The following PHF20L1 variants were observed in gnomAD, a reference collection of about 807,000 sequenced individuals.
The protein encoded by PHF20L1 is PHD finger protein 20-like protein 1.
In PHF20L1, 44 loss-of-function variants were observed where a neutral mutation model predicts 125.5. That is an observed-to-expected ratio of 0.35 (90% CI 0.28 to 0.45). The LOEUF (loss-of-function observed/expected upper bound fraction) is 0.45, where lower values mean the gene tolerates loss of function less well. Among genes scored for constraint, PHF20L1 ranks in the 20% least tolerant of loss-of-function variants. PHF20L1 has a pLI of 1.00. For synonymous variants in PHF20L1, 380 were observed against 403.1 expected (o/e 0.94, Z 0.69); for missense variants, 1,012 against 1,217.2 (o/e 0.83, Z 2.51).
rs750306290 is a variant in PHF20L1 at position 132,842,781 on chromosome 8, A to G, written c.2654A>G (p.Asp885Gly). The change falls in exon 19 of 21, where the codon GAT (aspartate) becomes GGT (glycine). Residue 885 changes from aspartate (D) to glycine (G), a missense_variant. Asp to Gly is a moderately conservative substitution (Grantham distance 94). This residue lies in a region of PHF20L1 where 277 missense variants were observed against 283.6 expected (regional missense o/e 0.98). Transcript: ENST00000395386. ...GCAGACCCTGGGAGCTCAGATGATGATGATGTTAGTAGTTTGGAAGAAGAA... is the reference window on the plus strand; with the variant it reads ...GCAGACCCTGGGAGCTCAGATGATGGTGATGTTAGTAGTTTGGAAGAAGAA... ...SLADPGSSDD[D>G]DVSSLEEEQE... is the part of the protein sequence containing the mutation. 8.1e-6 allele frequency: 13 copies of G among 1,613,256 alleles called. No homozygotes were observed. Among genetic ancestry groups the G allele is most frequent in the East Asian group, 4.5e-5 (2 of 44,866 alleles).
intron 14 of PHF20L1, among the ~76,000 whole-genome samples, chr8:132,828,425 T>C (rs1836425380): frequency 6.6e-6 from 1 of 152,024 alleles, no homozygotes; most frequent in African/African-American, 2.4e-5. Context: ...CTTACAAGTC[T>C]GAATTTTTAA....
Position 132,799,188 on chromosome 8 carries a change from T to A in PHF20L1, c.507+16T>A, listed in dbSNP as rs558152629. 7.2e-5 allele frequency: 113 copies of A among 1,563,670 alleles called. No individual in the cohort carries two copies. The South Asian group carries it at 8.2e-4, about 11-fold the overall frequency. On this transcript the variant is annotated intron_variant, in intron 6 of 20. Transcript: ENST00000395386. ...GGGAAGTGAGGTAAGAGCCTTTTTT[T>A]TAAAAATTTTGTTTTGTTTTTCCTG...
chr8:132,835,737 A>G (rs1837285462), intron 15 of PHF20L1, among the ~76,000 whole-genome samples: 1 of 152,142 alleles, frequency 6.6e-6, no homozygotes, highest in East Asian at 1.9e-4. Context: ...TAAAGTCATT[A>G]AGAACACAGG....
chr8:132,810,877 C>G, intron 8 of PHF20L1, 169 bp from the exon 9 acceptor site: 1 of 556,300 alleles, frequency 1.8e-6, no homozygotes, highest in Non-Finnish European at 3.3e-6. Context: ...GATTCAGTCC[C>G]TTGGCTTATT....
At chr8:132,814,955 A>G in intron 10 of PHF20L1, 66 bp downstream of exon 10, 3 of 1,214,762 alleles carry the variant, frequency 2.5e-6, no homozygotes, top group Middle Eastern at 2.5e-4. Context: ...GTTTGATTGT[A>G]GTTATATTGT....
At chr8:132,804,547 G>A (rs1363876962) in intron 7 of PHF20L1, 68 bp from the exon 8 acceptor site, 2 of 1,268,152 alleles carry the variant, frequency 1.6e-6, no homozygotes, top group Non-Finnish European at 2.2e-6. Flanking sequence ...CTATTTTGCT[G>A]TTAAAAAATC....
chr8:132,790,842 G>A (rs1220376675), intron 2 of PHF20L1, among the ~76,000 whole-genome samples: 2 of 152,050 alleles, frequency 1.3e-5, no homozygotes, highest in African/African-American at 4.8e-5. Flanking sequence ...AACATCTCCC[G>A]AGAACCTTCA....
At chr8:132,807,549 T>C in intron 8 of PHF20L1, 1 of 342,696 alleles carries the variant, frequency 2.9e-6, no homozygotes, top group South Asian at 2.3e-5. Context: ...TGACCAGTAG[T>C]ATGTTATTGA....
intron 12 of PHF20L1, among the ~76,000 whole-genome samples, chr8:132,822,602 C>G (rs1835727223): frequency 1.3e-5 from 2 of 151,964 alleles, no homozygotes; most frequent in African/African-American, 4.8e-5. Flanking sequence ...AATAGTGCAG[C>G]AAGTAGTAAA....
intron 12 of PHF20L1, among the ~76,000 whole-genome samples, chr8:132,819,617 T>C (rs1298465008): frequency 1.3e-5 from 2 of 151,850 alleles, no homozygotes; most frequent in South Asian, 2.1e-4. Flanking sequence ...GTATTTGTTA[T>C]GCTTCTGTCT....
intron 2 of PHF20L1, among the ~76,000 whole-genome samples, chr8:132,787,148 A>G (rs537046632): frequency 1.2e-4 from 18 of 151,740 alleles, no homozygotes; most frequent in Admixed American, 1.1e-3. Context: ...CTGTGGTCTA[A>G]TGGATGCTTG....
chr8:132,825,658 G>A (rs1836094167), intron 14 of PHF20L1, among the ~76,000 whole-genome samples: 1 of 152,014 alleles, frequency 6.6e-6, no homozygotes, highest in Admixed American at 6.6e-5. Context: ...CCTTTAGCAT[G>A]CTCAAGTAAT....
At position 132,794,868 on chromosome 8, in the gene PHF20L1, T is replaced by C. The variant is rs755374940; in HGVS notation, c.340+51T>C. On this transcript the variant is annotated intron_variant, in intron 4 of 20. Transcript: ENST00000395386. The stretch of plus-strand genomic sequence containing the variant: ...TTAAAATTAGATTAATAGTAAAATT[T>C]CACTGTATTTTAAATTTTAATTAGT... The C allele has an allele frequency of 3.4e-6, 4 of 1,173,836 alleles. No homozygotes were observed. In the Admixed American group the frequency reaches 7.6e-5, roughly 22 times the overall value. The allele number at this position is 1,173,836 out of a possible 1,614,324, so 72.7% of individuals were successfully genotyped here. A position where few individuals can be genotyped will look rare whatever the true frequency, so the allele number is the denominator to read the frequency against.
chr8:132,832,266 A>G lies in PHF20L1; in HGVS notation c.1776A>G (p.Glu592=), dbSNP rs781317544. The G allele has an allele frequency of 6.2e-7, 1 of 1,602,900 alleles. No homozygotes were observed. The highest frequency in any genetic ancestry group is 1.1e-5 in the South Asian group (1 of 90,786). ...DYSDYEDSSL[E]FLERCSSPLT... is the part of the protein sequence containing the mutation. ...CAGACTATGAAGACAGTTCCCTCGA[A>G]TTTTTGGAAAGGTGCTCTTCTCCAC... is the stretch of plus-strand genomic sequence containing the variant. The change falls in exon 15 of 21, where the codon GAA becomes GAG. Residue 592 remains glutamate (E), a synonymous_variant. Coordinates refer to ENST00000395386, the MANE Select transcript of PHF20L1 (RefSeq NM_016018.5).
At chr8:132,800,063 T>C (rs1832867679) in intron 6 of PHF20L1, 1 of 151,468 alleles carries the variant, frequency 6.6e-6, no homozygotes, top group Non-Finnish European at 1.5e-5. Flanking sequence ...TTTTTTGCTT[T>C]AAAACAATTA....
chr8:132,804,438 AGTC>A lies in PHF20L1; in HGVS notation c.722-176_722-174del, dbSNP rs1198539318. The A allele has an allele frequency of 1.0e-4, 47 of 461,860 alleles. No homozygotes were observed. The East Asian group carries it at 1.4e-3, about 14-fold the overall frequency. 28.6% of individuals were successfully genotyped at this position (461,860 alleles called of 1,614,324 possible). A position where few individuals can be genotyped will look rare whatever the true frequency, so the allele number is the denominator to read the frequency against. On this transcript the variant is annotated intron_variant, in intron 7 of 20. Transcript: ENST00000395386. ...TTTCTTTAAGAATAACTGCTTTAGT[AGTC>A]TTTTATTTCTAATATATTAGTCTGG...
chr8:132,823,276 C>T (rs1162930607), intron 12 of PHF20L1, among the ~76,000 whole-genome samples: 1 of 151,908 alleles, frequency 6.6e-6, no homozygotes, highest in Non-Finnish European at 1.5e-5. Flanking sequence ...GTTTTAGGCA[C>T]AAGAGCTTAA....
intron 20 of PHF20L1, among the ~76,000 whole-genome samples, chr8:132,845,152 C>G (rs553211553): frequency 1.3e-5 from 2 of 152,108 alleles, no homozygotes; most frequent in Non-Finnish European, 2.9e-5. Context: ...CATCTTGATA[C>G]TATTTCATAT....
At chr8:132,794,930 T>G in intron 4 of PHF20L1, 113 bp downstream of exon 4, 1 of 660,284 alleles carries the variant, frequency 1.5e-6, no homozygotes, top group Non-Finnish European at 2.6e-6. Flanking sequence ...CTTTTATATT[T>G]TCTGTAAGTA....
Sources: allele counts gnomAD v4.1 joint callset (sites outside exome capture counted in the v4.1 genomes callset), GRCh38; gene constraint gnomAD v4.1.1; regional missense constraint gnomAD v4.1.1; transcripts MANE v1.5; gene names NCBI Gene and HGNC (gene_info 2026-07-23, HGNC 2026-07-21).